RBMS3: variants seen among roughly 807,000 people sequenced by gnomAD.
The protein encoded by RBMS3 is RNA-binding motif, single-stranded-interacting protein 3.
Under a neutral mutation model 66.8 loss-of-function variants are expected in RBMS3, and 27 were observed. That is an observed-to-expected ratio of 0.40 (90% CI 0.30 to 0.56). The LOEUF (loss-of-function observed/expected upper bound fraction) is 0.56. Among genes scored for constraint, RBMS3 ranks in the 20% least tolerant of loss-of-function variants. The pLI, the probability that RBMS3 is intolerant of heterozygous loss-of-function variation, is 0.40. For synonymous variants in RBMS3, 188 were observed against 183.0 expected, an observed-to-expected ratio of 1.03 and a Z score of -0.22; for missense variants, 513 against 549.5, an observed-to-expected ratio of 0.93 and a Z score of 0.66.
At chr3:29,739,317 G>A (rs1227138856) in intron 4 of RBMS3, among the ~76,000 whole-genome samples, 7 of 152,092 alleles carry the variant, frequency 4.6e-5, no homozygotes, top group African/African-American at 7.2e-5. Flanking sequence ...TTAGCTGGGC[G>A]TGGTGGCGGG....
chr3:29,355,715 G>T (rs1201054213), intron 1 of RBMS3, among the ~76,000 whole-genome samples: 1 of 152,060 alleles, frequency 6.6e-6, no homozygotes, highest in Admixed American at 6.6e-5. Context: ...TTTCCAAAAT[G>T]AGGGGAAAAG....
chr3:29,899,861 G>T, intron 10 of RBMS3, 106 bp downstream of exon 10: 1 of 1,083,390 alleles, frequency 9.2e-7, no homozygotes, highest in Non-Finnish European at 1.3e-6. Context: ...TATGTAACTC[G>T]TTCAGGCAGC....
chr3:29,674,266 A>G (rs993077226), intron 4 of RBMS3, among the ~76,000 whole-genome samples: 4 of 152,184 alleles, frequency 2.6e-5, no homozygotes, highest in Non-Finnish European at 4.4e-5. Flanking sequence ...AAATGATAAG[A>G]GCTATTTATA....
intron 4 of RBMS3, among the ~76,000 whole-genome samples, chr3:29,613,951 T>C (rs1361563674): frequency 2.0e-5 from 3 of 152,130 alleles, no homozygotes; most frequent in African/African-American, 7.2e-5. Flanking sequence ...TGAACTACCA[T>C]GTGATCCAGC....
intron 4 of RBMS3, among the ~76,000 whole-genome samples, chr3:29,656,164 A>G (rs146757842): frequency 3.0e-4 from 45 of 152,302 alleles, no homozygotes; most frequent in African/African-American, 1.1e-3. Context: ...AAGATAAATG[A>G]AGTGTAGCCT....
chr3:29,771,547 G>C (rs1003060206), intron 6 of RBMS3, among the ~76,000 whole-genome samples: 2 of 151,954 alleles, frequency 1.3e-5, no homozygotes, highest in South Asian at 2.1e-4. Context: ...GAGTAATTAA[G>C]GTTACAGCAA....
intron 3 of RBMS3, among the ~76,000 whole-genome samples, chr3:29,542,319 G>T (rs533838127): frequency 2.0e-5 from 3 of 152,046 alleles, no homozygotes; most frequent in East Asian, 3.9e-4. Context: ...TAACAAGCAG[G>T]TGGTATTATT....
chr3:29,709,344 A>G (rs984948365), intron 4 of RBMS3, among the ~76,000 whole-genome samples: 3 of 152,204 alleles, frequency 2.0e-5, no homozygotes, highest in Admixed American at 6.5e-5. Flanking sequence ...GCTGACATTA[A>G]AAGTGCAGAA....
intron 3 of RBMS3, among the ~76,000 whole-genome samples, chr3:29,489,479 C>T (rs961304491): frequency 4.0e-5 from 6 of 151,490 alleles, no homozygotes; most frequent in Admixed American, 1.3e-4. Context: ...AGATTCAAGT[C>T]CTAGTTAAAA....
At chr3:29,766,540 T>C (rs1386022111) in intron 6 of RBMS3, 2 of 151,990 alleles carry the variant, frequency 1.3e-5, no homozygotes, top group Non-Finnish European at 2.9e-5. Flanking sequence ...GATAAGTGAG[T>C]TGGAAGAGAA....
chr3:29,680,828 A>G (rs2051455790), intron 4 of RBMS3, among the ~76,000 whole-genome samples: 2 of 152,148 alleles, frequency 1.3e-5, no homozygotes, highest in Admixed American at 6.5e-5. Context: ...CTAGAGTTCA[A>G]TGTTTCTATT....
intron 2 of RBMS3, among the ~76,000 whole-genome samples, chr3:29,455,303 T>C (rs546583554): frequency 1.2e-4 from 18 of 152,226 alleles, no homozygotes; most frequent in Non-Finnish European, 2.2e-4. Context: ...GTATACATTA[T>C]GATTTTAGGG....
At chr3:29,801,349 C>T (rs755906428) in intron 6 of RBMS3, among the ~76,000 whole-genome samples, 1 of 149,024 alleles carries the variant, frequency 6.7e-6, no homozygotes, top group Non-Finnish European at 1.5e-5. Flanking sequence ...CTCACTGCAA[C>T]CTCTGCCTCC....
At chr3:29,956,960 T>TG (rs1445050922) in intron 12 of RBMS3, among the ~76,000 whole-genome samples, 2 of 152,160 alleles carry the variant, frequency 1.3e-5, no homozygotes, top group East Asian at 3.9e-4. Flanking sequence ...GTTTCTGGGA[T>TG]GGGCCAAGCC....
chr3:29,960,122 G>A (rs1448592292), intron 12 of RBMS3, among the ~76,000 whole-genome samples: 1 of 152,162 alleles, frequency 6.6e-6, no homozygotes, highest in Admixed American at 6.5e-5. Flanking sequence ...CTATGAGCCT[G>A]TAAAATCAAA....
intron 4 of RBMS3, among the ~76,000 whole-genome samples, chr3:29,641,696 T>G (rs1447230058): frequency 6.6e-6 from 1 of 152,086 alleles, no homozygotes; most frequent in Non-Finnish European, 1.5e-5. Context: ...ACATTTGAAT[T>G]TAAAAAATGT....
chr3:29,441,103 T>C (rs2041603743), intron 2 of RBMS3, among the ~76,000 whole-genome samples: 3 of 152,154 alleles, frequency 2.0e-5, no homozygotes. Flanking sequence ...GCAGCTGCTT[T>C]TGAGATGTCA....
chr3:29,675,662 C>T (rs969298685), intron 4 of RBMS3, among the ~76,000 whole-genome samples: 1 of 152,168 alleles, frequency 6.6e-6, no homozygotes, highest in African/African-American at 2.4e-5. Flanking sequence ...ATGCAGCCAA[C>T]AGACACATGA....
chr3:29,351,521 T>C (rs2036912223), intron 1 of RBMS3, among the ~76,000 whole-genome samples: 2 of 152,222 alleles, frequency 1.3e-5, no homozygotes, highest in Admixed American at 1.3e-4. Context: ...GGATAAAATA[T>C]TTGTATGTTT....
Sources: allele counts gnomAD v4.1 joint callset (sites outside exome capture counted in the v4.1 genomes callset), GRCh38; gene constraint gnomAD v4.1.1; transcripts MANE v1.5; gene names NCBI Gene and HGNC (gene_info 2026-07-23, HGNC 2026-07-21).